THADA: variants seen among roughly 807,000 people sequenced by gnomAD.
THADA encodes THADA armadillo repeat containing, also known as tRNA (32-2'-O)-methyltransferase regulator THADA.
A neutral mutation model predicts 219.8 loss-of-function variants in THADA; 213 were observed. The ratio of observed to expected loss-of-function variants is 0.97; its 90% CI spans 0.87 to 1.09. The LOEUF (loss-of-function observed/expected upper bound fraction) is 1.09, where lower values mean the gene tolerates loss of function less well. THADA is among the 50% of genes least tolerant of loss of function. THADA has a pLI of 0.00. For missense variants in THADA, 2,956 were observed against 2,311.3 expected (o/e 1.28, Z -5.72); for synonymous variants, 1,018 against 828.9 (o/e 1.23, Z -3.92).
intron 30 of THADA, among the ~76,000 whole-genome samples, chr2:43,335,498 G>T (rs1025909543): frequency 6.6e-6 from 1 of 152,110 alleles, no homozygotes; most frequent in Non-Finnish European, 1.5e-5. Context: ...AAAATTCTAG[G>T]TCAATGATTC....
intron 26 of THADA, among the ~76,000 whole-genome samples, chr2:43,445,699 G>A (rs1681439100): frequency 6.6e-6 from 1 of 152,166 alleles, no homozygotes; most frequent in Non-Finnish European, 1.5e-5. Flanking sequence ...TTGAGACAGA[G>A]TCTTGCTCTG....
intron 22 of THADA, among the ~76,000 whole-genome samples, chr2:43,526,581 C>G (rs1222837332): frequency 6.6e-6 from 1 of 152,124 alleles, no homozygotes; most frequent in African/African-American, 2.4e-5. Flanking sequence ...AAATTTCACC[C>G]AAAATTTGGC....
At chr2:43,381,476 T>C (rs899224127) in intron 29 of THADA, among the ~76,000 whole-genome samples, 3 of 151,540 alleles carry the variant, frequency 2.0e-5, no homozygotes, top group African/African-American at 7.3e-5. Flanking sequence ...TTCCAAAGAG[T>C]AGAGTATGGA....
At chr2:43,364,305 G>A (rs1053149134) in intron 29 of THADA, among the ~76,000 whole-genome samples, 6 of 152,206 alleles carry the variant, frequency 3.9e-5, no homozygotes, top group Admixed American at 1.3e-4. Flanking sequence ...GGCCAGCACT[G>A]CTATTAAAAT....
chr2:43,250,794 G>C (rs1376728426), intron 36 of THADA, among the ~76,000 whole-genome samples: 1 of 152,154 alleles, frequency 6.6e-6, no homozygotes, highest in African/African-American at 2.4e-5. Flanking sequence ...CAAGAACAGA[G>C]GACAATGGGT....
chr2:43,547,584 T>C (rs201019585), intron 20 of THADA, among the ~76,000 whole-genome samples: 2 of 152,222 alleles, frequency 1.3e-5, no homozygotes, highest in East Asian at 3.8e-4. Context: ...CTTTTTTCTC[T>C]AAACCTCCCT....
intron 29 of THADA, among the ~76,000 whole-genome samples, chr2:43,358,492 C>A (rs1268512110): frequency 6.6e-6 from 1 of 152,210 alleles, no homozygotes; most frequent in Non-Finnish European, 1.5e-5. Context: ...AGATAGGTGG[C>A]AGCCTTCTTA....
intron 28 of THADA, among the ~76,000 whole-genome samples, chr2:43,425,587 G>A (rs887771723): frequency 1.3e-5 from 2 of 151,594 alleles, no homozygotes; most frequent in African/African-American, 4.8e-5. Flanking sequence ...TTTGGAAGTC[G>A]GACTCTCAGG....
At chr2:43,257,416 GA>G (rs1670452291) in intron 36 of THADA, among the ~76,000 whole-genome samples, 2 of 152,208 alleles carry the variant, frequency 1.3e-5, no homozygotes, top group African/African-American at 4.8e-5. Flanking sequence ...GAGGAGAGAG[GA>G]GGCTTCTCCC....
At chr2:43,472,916 T>TA (rs199524026) in intron 26 of THADA, among the ~76,000 whole-genome samples, 318 of 150,876 alleles carry the variant, frequency 2.1e-3, no homozygotes, top group Admixed American at 5.4e-3. Context: ...CTATAAGAGA[T>TA]AAAAAAAAAT....
chr2:43,317,505 C>A (rs78558966), intron 31 of THADA, among the ~76,000 whole-genome samples: 1 of 152,170 alleles, frequency 6.6e-6, no homozygotes, highest in African/African-American at 2.4e-5. Flanking sequence ...TCTACACATC[C>A]AAGTAAGTGA....
At position 43,392,246 on chromosome 2, in the gene THADA, T is replaced by G. The variant is rs1673476345; in HGVS notation, c.4227+5725A>C. On this transcript the variant is annotated intron_variant, in intron 29 of 37. Coordinates refer to ENST00000405975, the MANE Select transcript of THADA (RefSeq NM_022065.5). ...GCACTAAGACATTGACTCATATGGT[T>G]ACATTTTTAAAAGATGGAAATAATT... 3.3e-5 allele frequency among the ~76,000 whole-genome samples: 5 copies of G among 152,368 alleles called. No homozygotes were observed. In the South Asian group the frequency reaches 1.0e-3, roughly 32 times the overall value.
chr2:43,286,809 T>C, intron 35 of THADA, 99 bp downstream of exon 35: 1 of 1,358,524 alleles, frequency 7.4e-7, no homozygotes, highest in Non-Finnish European at 1.0e-6. Flanking sequence ...AAGGCAGGTG[T>C]CATGTTGCCA....
chr2:43,510,660 T>TAAAA (rs397729303), intron 22 of THADA, among the ~76,000 whole-genome samples: 2 of 122,396 alleles, frequency 1.6e-5, no homozygotes, highest in Non-Finnish European at 3.4e-5. Flanking sequence ...TTCTTCACTG[T>TAAAA]AAAAAAAAAA....
chr2:43,592,443 T>A, intron 1 of THADA, 27 bp from the exon 2 acceptor site: 1 of 1,337,528 alleles, frequency 7.5e-7, no homozygotes, highest in Non-Finnish European at 1.0e-6. Context: ...TTTAAGGCAT[T>A]AATGTAAGGT....
rs1667583709 is a variant in THADA at position 43,232,700 on chromosome 2, AC to A, written c.5466+12del. On this transcript the variant is annotated intron_variant, in intron 37 of 37. Coordinates refer to ENST00000405975, the MANE Select transcript of THADA (RefSeq NM_022065.5). ...CAACCCTGCCTCCTACTCCCCTGAC[AC>A]CCCGGGATCACCTGATGCATGCTCT... The A allele has an allele frequency of 1.2e-6, 2 of 1,612,558 alleles. No homozygotes were observed. The highest frequency in any genetic ancestry group is 2.7e-5 in the African/African-American group (2 of 74,732).
chr2:43,475,209 G>A (rs879530084), intron 26 of THADA, among the ~76,000 whole-genome samples: 2 of 152,078 alleles, frequency 1.3e-5, no homozygotes, highest in African/African-American at 2.4e-5. Flanking sequence ...TTGAGCTCAG[G>A]AATTTGAGAC....
At chr2:43,487,277 A>G (rs1687031252) in intron 25 of THADA, among the ~76,000 whole-genome samples, 1 of 152,142 alleles carries the variant, frequency 6.6e-6, no homozygotes, top group African/African-American at 2.4e-5. Context: ...CAGAAATCAC[A>G]CAAAAACACA....
intron 31 of THADA, among the ~76,000 whole-genome samples, chr2:43,301,166 C>T (rs1192004399): frequency 6.6e-6 from 1 of 152,194 alleles, no homozygotes; most frequent in African/African-American, 2.4e-5. Context: ...GGCCAACTTT[C>T]ACGCGGGTTG....
Sources: gnomAD v4.1 joint callset for allele counts (sites outside exome capture counted in the v4.1 genomes callset) on GRCh38, gnomAD v4.1.1 for gene constraint, MANE v1.5 for transcripts, NCBI Gene and HGNC (gene_info 2026-07-23, HGNC 2026-07-21) for gene names.